Variants in CLEC16A observed in about 807,000 individuals in gnomAD.
CLEC16A encodes the protein protein CLEC16A.
In CLEC16A, 51 loss-of-function variants were observed where a neutral mutation model predicts 109.5. That is an observed-to-expected ratio of 0.47 (90% CI 0.37 to 0.59). The LOEUF (loss-of-function observed/expected upper bound fraction) is 0.59, where lower values mean the gene tolerates loss of function less well. Ranked by LOEUF, CLEC16A falls within the 20% of genes least tolerant of loss-of-function variation. The pLI is 0.00. For synonymous variants in CLEC16A, 673 were observed against 564.2 expected, an observed-to-expected ratio of 1.19 and a Z score of -2.73; for missense variants, 1,339 against 1,394.0, an observed-to-expected ratio of 0.96 and a Z score of 0.63.
chr16:11,125,963 T>A lies in CLEC16A; in HGVS notation c.2474-16T>A. The A allele has an allele frequency of 1.5e-6, 2 of 1,359,118 alleles. No homozygotes were observed. The highest frequency in any genetic ancestry group is 1.9e-6 in the Non-Finnish European group (2 of 1,026,792). 84.2% of individuals were successfully genotyped at this position (1,359,118 alleles called of 1,614,324 possible). A position where few individuals can be genotyped will look rare whatever the true frequency, so the allele number is the denominator to read the frequency against. ...CCCACATGCTCAGAGTGAACCATGC[T>A]ATTGTTTGACCGTAGCCCTCCTGGA... is the stretch of plus-strand genomic sequence containing the variant. On this transcript the variant is annotated splice_polypyrimidine_tract_variant and intron_variant, in intron 21 of 23. Transcript: ENST00000409790.
chr16:11,096,471 G>C (rs142545538), intron 19 of CLEC16A, among the ~76,000 whole-genome samples: 1 of 152,066 alleles, frequency 6.6e-6, no homozygotes, highest in Non-Finnish European at 1.5e-5. Context: ...AGAGACCCAC[G>C]GGAGGAATAC....
At chr16:11,130,497 G>A (rs1161925361) in intron 22 of CLEC16A, among the ~76,000 whole-genome samples, 5 of 152,160 alleles carry the variant, frequency 3.3e-5, no homozygotes, top group Non-Finnish European at 7.4e-5. Context: ...ACAGATTTAG[G>A]TTGGTTGCAT....
intron 22 of CLEC16A, among the ~76,000 whole-genome samples, chr16:11,139,329 C>G (rs1031087298): frequency 2.8e-4 from 42 of 152,358 alleles, no homozygotes; most frequent in African/African-American, 9.4e-4. Flanking sequence ...TTACAGCTTT[C>G]TACACTTCTT....
chr16:10,956,006 T>C (rs1054261805), intron 1 of CLEC16A, among the ~76,000 whole-genome samples: 1 of 152,238 alleles, frequency 6.6e-6, no homozygotes, highest in African/African-American at 2.4e-5. Flanking sequence ...TTGGGGAAGA[T>C]GCACTTGAGG....
intron 23 of CLEC16A, among the ~76,000 whole-genome samples, chr16:11,176,782 A>G (rs114358264): frequency 6.6e-6 from 1 of 152,158 alleles, no homozygotes; most frequent in Non-Finnish European, 1.5e-5. Flanking sequence ...TTTAGAGTTC[A>G]TCTTGCCCAG....
chr16:11,171,277 G>A (rs985252504), intron 23 of CLEC16A, among the ~76,000 whole-genome samples: 4 of 152,194 alleles, frequency 2.6e-5, no homozygotes, highest in South Asian at 4.1e-4. Flanking sequence ...GGCTCCCTCC[G>A]TGTGCAGCAC....
At chr16:11,100,494 G>A (rs772415532) in intron 19 of CLEC16A, among the ~76,000 whole-genome samples, 4 of 152,212 alleles carry the variant, frequency 2.6e-5, no homozygotes, top group African/African-American at 7.2e-5. Flanking sequence ...CACTAACTTA[G>A]TGTGGCCCAG....
intron 10 of CLEC16A, among the ~76,000 whole-genome samples, chr16:10,992,204 C>T (rs944384085): frequency 1.3e-5 from 2 of 152,146 alleles, no homozygotes; most frequent in Admixed American, 6.5e-5. Flanking sequence ...TGCAATAGAA[C>T]ACCAGATCTC....
At chr16:11,094,172 C>T (rs1325580376) in intron 19 of CLEC16A, among the ~76,000 whole-genome samples, 1 of 152,174 alleles carries the variant, frequency 6.6e-6, no homozygotes, top group Non-Finnish European at 1.5e-5. Context: ...GTACAGGGCC[C>T]CTTCCCAGCC....
chr16:11,126,085 C>G lies in CLEC16A; in HGVS notation c.2580C>G (p.Arg860=). The change falls in exon 22 of 24, where the codon CGC becomes CGG. Residue 860 remains arginine, a synonymous_variant. Coordinates refer to ENST00000409790, the MANE Select transcript of CLEC16A (RefSeq NM_015226.3). ...HLPFRFYDQG[R]RGSSDPTVQR... ...CTTTCCGCTTCTACGACCAGGGGCGCCGGGGCAGCAGCGACCCCACAGTGC... is the reference window on the plus strand; with the variant it reads ...CTTTCCGCTTCTACGACCAGGGGCGGCGGGGCAGCAGCGACCCCACAGTGC... 6.2e-7 allele frequency: 1 copy of G among 1,613,932 alleles called. No homozygotes were observed. Among genetic ancestry groups the G allele is most frequent in the South Asian group, 1.1e-5 (1 of 91,080 alleles).
At chr16:11,052,943 G>A (rs2048027961) in intron 18 of CLEC16A, among the ~76,000 whole-genome samples, 1 of 152,020 alleles carries the variant, frequency 6.6e-6, no homozygotes. Context: ...ATCCATCCTG[G>A]AGTGCAGTGT....
intron 22 of CLEC16A, among the ~76,000 whole-genome samples, chr16:11,165,450 C>G (rs992991493): frequency 6.6e-6 from 1 of 152,160 alleles, no homozygotes; most frequent in Non-Finnish European, 1.5e-5. Context: ...TGAGATCACA[C>G]CGCTGCACTC....
chr16:11,172,244 A>T (rs1294019694), intron 23 of CLEC16A, among the ~76,000 whole-genome samples: 1 of 152,162 alleles, frequency 6.6e-6, no homozygotes, highest in Admixed American at 6.6e-5. Context: ...TCATACAGTC[A>T]CACGCATACA....
At chr16:10,973,886 G>GTTTT (rs2042913141) in intron 7 of CLEC16A, among the ~76,000 whole-genome samples, 3 of 74,908 alleles carry the variant, frequency 4.0e-5, no homozygotes, top group East Asian at 3.7e-4. Flanking sequence ...GGGGCTGCTT[G>GTTTT]CTTTTTTTTT....
At chr16:11,155,785 A>T (rs1181428203) in intron 22 of CLEC16A, among the ~76,000 whole-genome samples, 1 of 152,126 alleles carries the variant, frequency 6.6e-6, no homozygotes, top group East Asian at 1.9e-4. Context: ...GAAGTTAACT[A>T]CCCCACCCTG....
chr16:11,027,863 T>TCAAGTGTCTGTC, intron 13 of CLEC16A: 1 of 649,360 alleles, frequency 1.5e-6, no homozygotes, highest in East Asian at 2.7e-5. Context: ...GAGAAGATTA[T>TCAAGTGTCTGTC]TTCCTGCTCT....
chr16:11,095,246 C>T (rs373474229), intron 19 of CLEC16A, among the ~76,000 whole-genome samples: 2 of 151,790 alleles, frequency 1.3e-5, no homozygotes, highest in African/African-American at 4.8e-5. Context: ...AGAGCAAGAA[C>T]CAGAGAGAAG....
At chr16:11,101,226 A>T (rs1472855162) in intron 19 of CLEC16A, among the ~76,000 whole-genome samples, 1 of 152,214 alleles carries the variant, frequency 6.6e-6, no homozygotes, top group African/African-American at 2.4e-5. Context: ...CAGTTCTCGC[A>T]GTGATCTTCC....
At chr16:10,980,289 C>G (rs1215037159) in intron 9 of CLEC16A, among the ~76,000 whole-genome samples, 2 of 152,174 alleles carry the variant, frequency 1.3e-5, no homozygotes, top group African/African-American at 4.8e-5. Flanking sequence ...GAGTCCTATT[C>G]TGGGGCTATT....
Sources: gnomAD v4.1 joint callset for allele counts (sites outside exome capture counted in the v4.1 genomes callset) on GRCh38, gnomAD v4.1.1 for gene constraint, MANE v1.5 for transcripts, NCBI Gene and HGNC (gene_info 2026-07-23, HGNC 2026-07-21) for gene names.